Variants in IGF1R observed in about 807,000 individuals in gnomAD.
IGF1R encodes insulin like growth factor 1 receptor, also known as insulin-like growth factor 1 receptor.
Under a neutral mutation model 144.6 loss-of-function variants are expected in IGF1R, and 44 were observed. The ratio of observed to expected loss-of-function variants is 0.30; its 90% CI spans 0.24 to 0.39. The LOEUF is 0.39. Among genes scored for constraint, IGF1R ranks in the 10% least tolerant of loss-of-function variants. IGF1R has a pLI of 1.00. For missense variants in IGF1R, 1,355 were observed against 1,833.7 expected (o/e 0.74, Z 4.77); for synonymous variants, 795 against 722.8 (o/e 1.10, Z -1.60).
chr15:98,734,687 T>G (rs2054571932), intron 2 of IGF1R: 1 of 152,250 alleles, frequency 6.6e-6, no homozygotes, highest in African/African-American at 2.4e-5. Context: ...TGTGTTTTAA[T>G]GTTGCCAGGA....
At position 98,960,859 on chromosome 15, in the gene IGF1R, T is replaced by G. The variant is rs2017196757; in HGVS notation, c.*3417T>G. On this transcript the variant is annotated 3_prime_UTR_variant, in exon 21 of 21. Coordinates refer to ENST00000650285, the MANE Select transcript of IGF1R (RefSeq NM_000875.5). Reference sequence around the variant, plus strand: ...GGGTAGACAGAGATGTACCAAACCTTCCGGCTGGAAAGCCCAGTGGCCGGC... The same window carrying G: ...GGGTAGACAGAGATGTACCAAACCTGCCGGCTGGAAAGCCCAGTGGCCGGC... 1 of 233,616 alleles carries G rather than the reference T, an allele frequency of 4.3e-6. No individual in the cohort carries two copies. The highest frequency in any genetic ancestry group is 8.5e-6 in the Non-Finnish European group (1 of 118,198). The allele number at this position is 233,616 out of a possible 1,614,324, so 14.5% of individuals were successfully genotyped here. A position where few individuals can be genotyped will look rare whatever the true frequency, so the allele number is the denominator to read the frequency against.
intron 2 of IGF1R, among the ~76,000 whole-genome samples, chr15:98,815,582 G>A (rs1291205378): frequency 6.6e-6 from 1 of 152,216 alleles, no homozygotes; most frequent in Non-Finnish European, 1.5e-5. Flanking sequence ...GAGGTTAGGT[G>A]TGGGGGGTGA....
chr15:98,956,798 T>C (rs947748784), intron 20 of IGF1R, among the ~76,000 whole-genome samples: 1 of 152,192 alleles, frequency 6.6e-6, no homozygotes, highest in Non-Finnish European at 1.5e-5. Context: ...TAGTCCTTCT[T>C]GGGAAAGGAG....
chr15:98,670,803 TA>T (rs2052868994), intron 1 of IGF1R, among the ~76,000 whole-genome samples: 1 of 152,260 alleles, frequency 6.6e-6, no homozygotes, highest in Admixed American at 6.5e-5. Context: ...TATTTTCTTC[TA>T]TTTTTTTTCT....
chr15:98,753,311 T>C (rs1416928880), intron 2 of IGF1R, among the ~76,000 whole-genome samples: 1 of 150,240 alleles, frequency 6.7e-6, no homozygotes, highest in African/African-American at 2.4e-5. Flanking sequence ...TGACCTCCTC[T>C]GCTCAAGCAA....
intron 1 of IGF1R, among the ~76,000 whole-genome samples, chr15:98,661,753 C>T (rs769113319): frequency 4.6e-5 from 7 of 152,198 alleles, no homozygotes; most frequent in Non-Finnish European, 7.3e-5. Context: ...TAACACTGCT[C>T]TAGCAGGGAT....
chr15:98,780,496 C>A (rs974055708), intron 2 of IGF1R, among the ~76,000 whole-genome samples: 7 of 136,054 alleles, frequency 5.1e-5, no homozygotes, highest in Non-Finnish European at 7.6e-5. Flanking sequence ...TTGTGGAGAG[C>A]CAAGATTGCA....
chr15:98,700,424 TG>T lies in IGF1R; in HGVS notation c.95-7135del, dbSNP rs1696343342. Among the ~76,000 whole-genome samples the T allele has an allele frequency of 2.0e-5, 3 of 152,110 alleles. No individual in the cohort carries two copies. The South Asian group carries it at 6.2e-4, about 32-fold the overall frequency. On this transcript the variant is annotated intron_variant, in intron 1 of 20. Transcript: ENST00000650285. ...GGGAGGGTAGTGACAGGTGGTGTGG[TG>T]GGTTATTCAGTTCTTTCCTAGGGCA... is the stretch of plus-strand genomic sequence containing the variant.
chr15:98,894,739 A>G (rs1367560953), intron 3 of IGF1R, among the ~76,000 whole-genome samples: 2 of 152,188 alleles, frequency 1.3e-5, no homozygotes, highest in Non-Finnish European at 2.9e-5. Context: ...CCGTGTCTCT[A>G]CTAAAATTAC....
At chr15:98,657,112 TG>T (rs1429854305) in intron 1 of IGF1R, among the ~76,000 whole-genome samples, 3 of 152,238 alleles carry the variant, frequency 2.0e-5, no homozygotes, top group African/African-American at 7.2e-5. Flanking sequence ...TCTGTAAAGT[TG>T]GTTATTGGGA....
At chr15:98,802,541 T>A (rs1327249745) in intron 2 of IGF1R, among the ~76,000 whole-genome samples, 1 of 152,204 alleles carries the variant, frequency 6.6e-6, no homozygotes, top group East Asian at 1.9e-4. Flanking sequence ...AGCAATTTTG[T>A]GGAACAAAGT....
At chr15:98,936,822 C>T (rs1221823206) in intron 17 of IGF1R, among the ~76,000 whole-genome samples, 1 of 152,110 alleles carries the variant, frequency 6.6e-6, no homozygotes, top group African/African-American at 2.4e-5. Flanking sequence ...GTCCCCAGCA[C>T]CCCTGGGTGT....
chr15:98,796,797 T>C lies in IGF1R; in HGVS notation c.640+88690T>C, dbSNP rs74034209. On this transcript the variant is annotated intron_variant, in intron 2 of 20. Transcript: ENST00000650285. Reference sequence around the variant, plus strand: ...AAGGACAGAAACCTTATCTTTTATTTATTTCTTCCTTGTGTATCCTGAGCA... The same window carrying C: ...AAGGACAGAAACCTTATCTTTTATTCATTTCTTCCTTGTGTATCCTGAGCA... Among the ~76,000 whole-genome samples the C allele has an allele frequency of 4.3e-3, 648 of 152,346 alleles. 3 individuals carry two copies. Among genetic ancestry groups the C allele is most frequent in the African/African-American group, 0.015 (617 of 41,576 alleles).
intron 1 of IGF1R, among the ~76,000 whole-genome samples, chr15:98,699,960 G>T (rs561031102): frequency 6.6e-6 from 1 of 152,306 alleles, no homozygotes; most frequent in South Asian, 2.1e-4. Context: ...TGCTGTCTGT[G>T]TGAAATGGGA....
intron 2 of IGF1R, among the ~76,000 whole-genome samples, chr15:98,852,483 C>G (rs923423643): frequency 5.3e-5 from 8 of 152,242 alleles, no homozygotes; most frequent in Admixed American, 2.6e-4. Flanking sequence ...GCCCGGGCAG[C>G]GACTGGCTGG....
chr15:98,665,157 T>G (rs2052703976), intron 1 of IGF1R, among the ~76,000 whole-genome samples: 1 of 152,158 alleles, frequency 6.6e-6, no homozygotes, highest in East Asian at 1.9e-4. Context: ...TTCACCGTGT[T>G]AGCCAGGATG....
chr15:98,676,089 C>T (rs1567070182), intron 1 of IGF1R, among the ~76,000 whole-genome samples: 1 of 151,856 alleles, frequency 6.6e-6, no homozygotes, highest in Non-Finnish European at 1.5e-5. Flanking sequence ...CTCACCTTCC[C>T]AAAGTGTTGG....
At chr15:98,855,403 C>T (rs1006900745) in intron 2 of IGF1R, among the ~76,000 whole-genome samples, 1 of 152,190 alleles carries the variant, frequency 6.6e-6, no homozygotes, top group South Asian at 2.1e-4. Flanking sequence ...GCCCTGAATT[C>T]GTGCCTTGCA....
chr15:98,725,134 CAG>C (rs1364253869), intron 2 of IGF1R, among the ~76,000 whole-genome samples: 1 of 152,196 alleles, frequency 6.6e-6, no homozygotes, highest in Non-Finnish European at 1.5e-5. Context: ...TTTCTACTCT[CAG>C]GGGCCCTGGA....
Sources: allele counts gnomAD v4.1 joint callset (sites outside exome capture counted in the v4.1 genomes callset), GRCh38; gene constraint gnomAD v4.1.1; transcripts MANE v1.5; gene names NCBI Gene and HGNC (gene_info 2026-07-23, HGNC 2026-07-21).